NUMBL: variants seen among roughly 807,000 people sequenced by gnomAD.
The protein encoded by NUMBL is numb-like protein.
Under a neutral mutation model 48.9 loss-of-function variants are expected in NUMBL, and 20 were observed. The ratio of observed to expected loss-of-function variants is 0.41; its 90% CI spans 0.29 to 0.59. NUMBL has a LOEUF of 0.59. NUMBL is among the 20% of genes least tolerant of loss of function. NUMBL has a pLI of 0.31. For missense variants in NUMBL, 660 were observed against 846.2 expected (o/e 0.78, Z 2.73); for synonymous variants, 340 against 348.7 (o/e 0.98, Z 0.28).
chr19:40,689,464 T>TGC (rs1329035127), intron 1 of NUMBL: 6 of 152,858 alleles, frequency 3.9e-5, no homozygotes, highest in African/African-American at 1.5e-4. Context: ...AGCGTACGCG[T>TGC]GCACACACAC....
chr19:40,685,427 G>A, intron 2 of NUMBL: 1 of 154,140 alleles, frequency 6.5e-6, no homozygotes, highest in Non-Finnish European at 1.5e-5. Context: ...CTGTCTGGAA[G>A]AACGCATGTC....
chr19:40,677,882 GT>G (rs2144657752), intron 6 of NUMBL, among the ~76,000 whole-genome samples: 1 of 152,216 alleles, frequency 6.6e-6, no homozygotes, highest in South Asian at 2.1e-4. Flanking sequence ...TTCCTATGGG[GT>G]GGGGAATGAC....
intron 8 of NUMBL, among the ~76,000 whole-genome samples, chr19:40,671,728 G>A (rs2081849065): frequency 1.3e-5 from 2 of 152,198 alleles, no homozygotes; most frequent in South Asian, 2.1e-4. Flanking sequence ...ACGGGTAGGC[G>A]ATGCAGATTT....
chr19:40,669,826 G>T, intron 9 of NUMBL, 72 bp downstream of exon 9: 1 of 1,561,354 alleles, frequency 6.4e-7, no homozygotes. Context: ...GAGTGTCTGG[G>T]TAGCCCTGGA....
intron 9 of NUMBL, 94 bp from the exon 10 acceptor site, chr19:40,668,232 C>G (rs35172225): frequency 2.7e-6 from 4 of 1,461,352 alleles, no homozygotes; most frequent in East Asian, 4.9e-5. Flanking sequence ...GATCAGAGCA[C>G]GGACTCTGGA....
intron 7 of NUMBL, among the ~76,000 whole-genome samples, chr19:40,675,869 T>G (rs1160842773): frequency 6.6e-6 from 1 of 151,930 alleles, no homozygotes; most frequent in Non-Finnish European, 1.5e-5. Flanking sequence ...TAAATTAATT[T>G]TTTTTTTTTT....
At chr19:40,672,359 C>T (rs1470901456) in intron 8 of NUMBL, among the ~76,000 whole-genome samples, 2 of 152,238 alleles carry the variant, frequency 1.3e-5, no homozygotes, top group Non-Finnish European at 2.9e-5. Flanking sequence ...ATCCTTGTAA[C>T]TCCATCTTCC....
Position 40,666,148 on chromosome 19 carries a change from T to G in NUMBL, c.*1320A>C, listed in dbSNP as rs780469389. 11 of 77,816 alleles carry G rather than the reference T, an allele frequency of 1.4e-4. No individual in the cohort carries two copies. The highest frequency in any genetic ancestry group is 8.9e-4 in the South Asian group (3 of 3,354). 4.8% of individuals were successfully genotyped at this position (77,816 alleles called of 1,614,324 possible). ...GAGCTAATTAGAAGTAGTTTTTTTT[T>G]TTTTGTTTTTTTTTTTTGAGACAGA... On this transcript the variant is annotated 3_prime_UTR_variant, in exon 10 of 10. Transcript: ENST00000252891.
At chr19:40,676,857 CA>C (rs1248359186) in intron 7 of NUMBL, among the ~76,000 whole-genome samples, 1 of 151,998 alleles carries the variant, frequency 6.6e-6, no homozygotes, top group Non-Finnish European at 1.5e-5. Context: ...CTCTATTGCC[CA>C]GGCTGGAGTG....
rs377501542 is a variant in NUMBL, at chr19:40,681,845, G to T, written c.400-788C>A. Among the ~76,000 whole-genome samples the T allele has an allele frequency of 3.9e-5, 6 of 151,904 alleles. 1 individual carries two copies. The South Asian group carries it at 6.2e-4, about 16-fold the overall frequency. ...GCACCACCACGTCTGGCTAATTTTT[G>T]TATTTTTAGTAGAGGTGGGGTTTCA... On this transcript the variant is annotated intron_variant, in intron 5 of 9. Transcript: ENST00000252891.
In NUMBL at chr19:40,669,929, C is replaced by A. The variant is rs753802809; in HGVS notation, c.1128G>T (p.Ala376=). 20 of 1,613,782 alleles carry A rather than the reference C, an allele frequency of 1.2e-5. No homozygotes were observed. The highest frequency in any genetic ancestry group is 1.4e-5 in the Non-Finnish European group (16 of 1,179,842). ...TGGCAGGTGGTGGCCCTGGTGCTGG[C>A]GCTCCAGCACTGGCAAAAGATGAAC... ...QISSSFASAG[A]PAPGPPPATT... Residue 376 remains alanine, a synonymous_variant, in exon 9 of 10, where the codon GCG becomes GCT. Transcript: ENST00000252891.
intron 7 of NUMBL, among the ~76,000 whole-genome samples, chr19:40,676,297 G>A (rs2081875652): frequency 6.6e-6 from 1 of 152,120 alleles, no homozygotes; most frequent in African/African-American, 2.4e-5. Flanking sequence ...GGAGGCTGAG[G>A]CAGGAGGATT....
intron 2 of NUMBL, chr19:40,685,689 A>G (rs2081930641): frequency 6.5e-6 from 1 of 153,498 alleles, no homozygotes; most frequent in Admixed American, 6.6e-5. Flanking sequence ...CGTCTTTCAA[A>G]GGGTGTGTCC....
At position 40,667,423 on chromosome 19, in the gene NUMBL, G is replaced by T. The variant is rs1022116471; in HGVS notation, c.*45C>A. ...GGGAGAGGTTGTGCCTCCACCCCCAGGCGTGGGGCACCTGGAGATGATGGA... is the reference window on the plus strand; with the variant it reads ...GGGAGAGGTTGTGCCTCCACCCCCATGCGTGGGGCACCTGGAGATGATGGA... On this transcript the variant is annotated 3_prime_UTR_variant, in exon 10 of 10. Coordinates refer to ENST00000252891, the MANE Select transcript of NUMBL (RefSeq NM_004756.5). This position sits in a 1 kb window ranked among gnomAD's most constrained non-coding sequence, Gnocchi z 6.1. 4.4e-6 allele frequency: 7 copies of T among 1,586,854 alleles called. No individual in the cohort carries two copies. In the African/African-American group the frequency reaches 9.4e-5, roughly 21 times the overall value.
Position 40,667,666 on chromosome 19 carries a change from G to A in NUMBL, c.1632C>T (p.Ala544=). ...CCTGGCTCCCAGGGGCACTGGGTAT[G>A]GCAGGGGGCGGGAAGGCCCCAGCTT... ...LGKAGAFPPP[A]IPSAPGSQAR... Residue 544 remains alanine (A), a synonymous_variant, in exon 10 of 10, where the codon GCC becomes GCT. Transcript: ENST00000252891. This position sits in a 1 kb window ranked among gnomAD's most constrained non-coding sequence, Gnocchi z 6.1. The A allele has an allele frequency of 6.4e-7, 1 of 1,566,104 alleles. No homozygotes were observed. The highest frequency in any genetic ancestry group is 2.4e-5 in the East Asian group (1 of 42,460).
At position 40,687,356 on chromosome 19, in the gene NUMBL, G is replaced by A. The variant is rs1324092991; in HGVS notation, c.25-361C>T. On this transcript the variant is annotated intron_variant, in intron 1 of 9. Coordinates refer to ENST00000252891, the MANE Select transcript of NUMBL (RefSeq NM_004756.5). This position sits in a 1 kb window ranked among gnomAD's most constrained non-coding sequence, Gnocchi z 4.6. Reference sequence around the variant, plus strand: ...ATCTGGCCACAGCTTTACACACTTGGTTACACATAGACGCAATCACAGCTA... The same window carrying A: ...ATCTGGCCACAGCTTTACACACTTGATTACACATAGACGCAATCACAGCTA... Among the ~76,000 whole-genome samples the A allele has an allele frequency of 6.6e-6, 1 of 152,128 alleles. No homozygotes were observed. Among genetic ancestry groups the A allele is most frequent in the South Asian group, 2.1e-4 (1 of 4,824 alleles).
chr19:40,689,011 C>T (rs751776263), intron 1 of NUMBL, among the ~76,000 whole-genome samples: 1 of 152,200 alleles, frequency 6.6e-6, no homozygotes, highest in Non-Finnish European at 1.5e-5. Context: ...GGCAGTCACA[C>T]AGGCAGAGTT....
At position 40,670,056 on chromosome 19, in the gene NUMBL, G is replaced by A. The variant is rs780130883; in HGVS notation, c.1037-36C>T. 8 of 1,603,096 alleles carry A rather than the reference G, an allele frequency of 5.0e-6. No homozygotes were observed. The Admixed American group carries it at 1.4e-4, about 27-fold the overall frequency. On this transcript the variant is annotated intron_variant, in intron 8 of 9. Coordinates refer to ENST00000252891, the MANE Select transcript of NUMBL (RefSeq NM_004756.5). ...GGGCAGGACAGAGGTCAGCAAACAG[G>A]CCCAGACCCTGCCGCAGCCCCGCCC...
chr19:40,682,577 C>T lies in NUMBL; in HGVS notation c.399+151G>A, dbSNP rs2081910195. Reference sequence around the variant, plus strand: ...TTCCCAAATAATCACAGCATTTATTCCTGAGTTATGACGACAGAGGGAGCA... The same window carrying T: ...TTCCCAAATAATCACAGCATTTATTTCTGAGTTATGACGACAGAGGGAGCA... On this transcript the variant is annotated intron_variant, in intron 5 of 9. Coordinates refer to ENST00000252891, the MANE Select transcript of NUMBL (RefSeq NM_004756.5). The surrounding 1 kb of genome is among the most constrained non-coding windows in gnomAD (Gnocchi z 4.0). 1.5e-6 allele frequency: 1 copy of T among 681,634 alleles called. No homozygotes were observed. Among genetic ancestry groups the T allele is most frequent in the African/African-American group, 1.8e-5 (1 of 55,408 alleles). 42.2% of individuals were successfully genotyped at this position (681,634 alleles called of 1,614,324 possible).
Sources: allele counts gnomAD v4.1 joint callset (sites outside exome capture counted in the v4.1 genomes callset), GRCh38; gene constraint gnomAD v4.1.1; non-coding constraint Gnocchi (gnomAD v3.1); transcripts MANE v1.5; gene names NCBI Gene and HGNC (gene_info 2026-07-23, HGNC 2026-07-21).